GPIHBP1: variants seen among roughly 807,000 people sequenced by gnomAD.
GPIHBP1 encodes glycosylphosphatidylinositol-anchored high density lipoprotein-binding protein 1.
Under a neutral mutation model 13.0 loss-of-function variants are expected in GPIHBP1, and 11 were observed. That is an observed-to-expected ratio of 0.84 (90% CI 0.53 to 1.40). GPIHBP1 has a LOEUF of 1.40. Among genes scored for constraint, GPIHBP1 ranks in the 40% most tolerant of loss-of-function variants. The pLI is 0.00. For synonymous variants in GPIHBP1, 106 were observed against 102.2 expected (o/e 1.04, Z -0.22); for missense variants, 231 against 241.1 (o/e 0.96, Z 0.28).
rs751821739 is a variant in GPIHBP1, at chr8:143,215,312, A to G, written c.349A>G (p.Ile117Val). The G allele has an allele frequency of 2.2e-5, 35 of 1,612,664 alleles. No homozygotes were observed. Among genetic ancestry groups the G allele is most frequent in the Admixed American group, 3.3e-5 (2 of 60,002 alleles). Reference sequence around the variant, plus strand: ...GTGGTGCACAGACAGCTGCCAGCCCATCACCAAGACGGTGGAGGGGACCCA... The same window carrying G: ...GTGGTGCACAGACAGCTGCCAGCCCGTCACCAAGACGGTGGAGGGGACCCA... ...STWCTDSCQP[I>V]TKTVEGTQVT... Residue 117 changes from isoleucine to valine, a missense_variant, in exon 4 of 4, where the codon ATC (isoleucine) becomes GTC (valine). Physicochemically the swap from Ile to Val is conservative, Grantham distance 29. Transcript: ENST00000622500.
In GPIHBP1 at chr8:143,214,777, A is replaced by ATGATGGGAAGTTCGCCCTGCC. The variant is rs1816275009; in HGVS notation, c.182-232_182-212dup. Among the ~76,000 whole-genome samples, 6 of 152,186 alleles carry ATGATGGGAAGTTCGCCCTGCC rather than the reference A, an allele frequency of 3.9e-5. No individual in the cohort carries two copies. The highest frequency in any genetic ancestry group is 3.9e-4 in the Admixed American group (6 of 15,280). On this transcript the variant is annotated intron_variant, in intron 2 of 3. Transcript: ENST00000622500. This position sits in a 1 kb window ranked among gnomAD's most constrained non-coding sequence, Gnocchi z 4.1. ...GCAGCATTGTCGCAGGACGTGAGTG[A>ATGATGGGAAGTTCGCCCTGCC]TGATGGGAAGTTCGCCCTGCCTGAC...
rs568123036 is a variant in GPIHBP1, at chr8:143,217,073, C to A, written c.*1555C>A. On this transcript the variant is annotated 3_prime_UTR_variant, in exon 4 of 4. Transcript: ENST00000622500. ...GCAGCACTGAGCACGGTAGGGCAGCCTGGTGAGAGGGGCCTAGCTCGCTGC... is the reference window on the plus strand; with the variant it reads ...GCAGCACTGAGCACGGTAGGGCAGCATGGTGAGAGGGGCCTAGCTCGCTGC... 1 of 152,312 alleles carries A rather than the reference C, an allele frequency of 6.6e-6. No homozygotes were observed. Among genetic ancestry groups the A allele is most frequent in the Non-Finnish European group, 1.5e-5 (1 of 68,026 alleles). The allele number at this position is 152,312 out of a possible 1,614,324, so 9.4% of individuals were successfully genotyped here.
In GPIHBP1 at chr8:143,216,232, G is replaced by C. The variant is rs1203103634; in HGVS notation, c.*714G>C. 1 of 153,020 alleles carries C rather than the reference G, an allele frequency of 6.5e-6. No homozygotes were observed. Among genetic ancestry groups the C allele is most frequent in the Non-Finnish European group, 1.5e-5 (1 of 68,770 alleles). 9.5% of individuals were successfully genotyped at this position (153,020 alleles called of 1,614,324 possible). A position where few individuals can be genotyped will look rare whatever the true frequency, so the allele number is the denominator to read the frequency against. The stretch of plus-strand genomic sequence containing the variant: ...AAAGTGAACTTGCAGCCTTGGATGG[G>C]GAAGGGCCAGATGCTGGGTGGGTGC... On this transcript the variant is annotated 3_prime_UTR_variant, in exon 4 of 4. Transcript: ENST00000622500.
In GPIHBP1 at chr8:143,215,544, C is replaced by T. The variant is rs1465035770; in HGVS notation, c.*26C>T. 13 of 1,525,206 alleles carry T rather than the reference C, an allele frequency of 8.5e-6. No homozygotes were observed. In the Admixed American group the frequency reaches 1.2e-4, roughly 14 times the overall value. The allele number at this position is 1,525,206 out of a possible 1,614,324, so 94.5% of individuals were successfully genotyped here. ...CCCACGGCCCCTCCCCACCCCCACC[C>T]GGCTCACCCCCGGCCCTGCCAGCAC... On this transcript the variant is annotated 3_prime_UTR_variant, in exon 4 of 4. Coordinates refer to ENST00000622500, the MANE Select transcript of GPIHBP1 (RefSeq NM_178172.6).
chr8:143,215,272 G>C lies in GPIHBP1; in HGVS notation c.309G>C (p.Leu103=). ...IAHGNTESGL[L]TTHSTWCTDS... is the part of the protein sequence containing the mutation. ...TCCCCTTCCCAGAGTCAGGCCTCCTGACCACCCACTCCACGTGGTGCACAG... is the reference window on the plus strand; with the variant it reads ...TCCCCTTCCCAGAGTCAGGCCTCCTCACCACCCACTCCACGTGGTGCACAG... Residue 103 remains leucine (L), a synonymous_variant, in exon 4 of 4, where the codon CTG becomes CTC. Transcript: ENST00000622500. The C allele has an allele frequency of 6.2e-7, 1 of 1,612,926 alleles. No homozygotes were observed. The highest frequency in any genetic ancestry group is 8.5e-7 in the Non-Finnish European group (1 of 1,179,974).
rs1243968205 is a variant in GPIHBP1, at chr8:143,215,319, A to G, written c.356A>G (p.Lys119Arg). 1 of 1,612,852 alleles carries G rather than the reference A, an allele frequency of 6.2e-7. No homozygotes were observed. The highest frequency in any genetic ancestry group is 1.1e-5 in the South Asian group (1 of 91,076). ...WCTDSCQPITKTVEGTQVTMT... is the reference protein window; with the variant it reads ...WCTDSCQPITRTVEGTQVTMT... Reference sequence around the variant, plus strand: ...ACAGACAGCTGCCAGCCCATCACCAAGACGGTGGAGGGGACCCAGGTGACC... The same window carrying G: ...ACAGACAGCTGCCAGCCCATCACCAGGACGGTGGAGGGGACCCAGGTGACC... Residue 119 changes from lysine (K) to arginine (R), a missense_variant, in exon 4 of 4, where the codon AAG (lysine) becomes AGG (arginine). Coordinates refer to ENST00000622500, the MANE Select transcript of GPIHBP1 (RefSeq NM_178172.6).
chr8:143,213,300 C>G lies in GPIHBP1; in HGVS notation c.33C>G (p.Leu11=). 6.3e-7 allele frequency: 1 copy of G among 1,598,126 alleles called. No individual in the cohort carries two copies. The highest frequency in any genetic ancestry group is 2.3e-5 in the East Asian group (1 of 44,398). MKALGAVLLA[L]LLFGRPGRGQ... ...CGCTCGGGGCTGTCCTGCTTGCCCT[C>G]TTGCTGTTCGGGCGGCCAGGTGCGG... The change falls in exon 1 of 4, where the codon CTC becomes CTG. Residue 11 remains leucine, a synonymous_variant. Transcript: ENST00000622500.
chr8:143,215,668 T>A lies in GPIHBP1; in HGVS notation c.*150T>A, dbSNP rs1816297671. ...GCCAGCGCAGGCCCCCCGGCCCGGTTGCTTCCTCAGTTCCCGGCTGTGTCC... is the reference window on the plus strand; with the variant it reads ...GCCAGCGCAGGCCCCCCGGCCCGGTAGCTTCCTCAGTTCCCGGCTGTGTCC... On this transcript the variant is annotated 3_prime_UTR_variant, in exon 4 of 4. Coordinates refer to ENST00000622500, the MANE Select transcript of GPIHBP1 (RefSeq NM_178172.6). 3 of 676,196 alleles carry A rather than the reference T, an allele frequency of 4.4e-6. No individual in the cohort carries two copies. Among genetic ancestry groups the A allele is most frequent in the Non-Finnish European group, 7.4e-6 (3 of 405,532 alleles). 41.9% of individuals were successfully genotyped at this position (676,196 alleles called of 1,614,324 possible). A position where few individuals can be genotyped will look rare whatever the true frequency, so the allele number is the denominator to read the frequency against.
chr8:143,213,278 T>G lies in GPIHBP1; in HGVS notation c.11T>G (p.Leu4Arg). Residue 4 changes from leucine to arginine, a missense_variant, in exon 1 of 4, where the codon CTC (leucine) becomes CGC (arginine). Transcript: ENST00000622500. The part of the protein sequence containing the change: MKA[L>R]GAVLLALLLF... ...GCAGCGTCCGGCGAGATGAAGGCGC[T>G]CGGGGCTGTCCTGCTTGCCCTCTTG... 1 of 1,597,020 alleles carries G rather than the reference T, an allele frequency of 6.3e-7. No individual in the cohort carries two copies. The highest frequency in any genetic ancestry group is 8.5e-7 in the Non-Finnish European group (1 of 1,175,804).
chr8:143,215,168 C>T (rs547403983), intron 3 of GPIHBP1, 42 bp downstream of exon 3: 57 of 1,608,552 alleles, frequency 3.5e-5, no homozygotes, highest in East Asian at 3.1e-4. Context: ...CCCCAGGCGG[C>T]GGGAAAGCCA....
Position 143,214,072 on chromosome 8 carries a change from G to C in GPIHBP1, c.181+122G>C. 7.6e-7 allele frequency: 1 copy of C among 1,308,044 alleles called. No individual in the cohort carries two copies. 81.0% of individuals were successfully genotyped at this position (1,308,044 alleles called of 1,614,324 possible). ...GTGAGCTTGCCTCCAGCAGAGTGGG[G>C]GACACTCAGTACACCCCTCACTGCT... On this transcript the variant is annotated intron_variant, in intron 2 of 3. Transcript: ENST00000622500. This position sits in a 1 kb window ranked among gnomAD's most constrained non-coding sequence, Gnocchi z 4.1.
In GPIHBP1 at chr8:143,215,710, A is replaced by G. The variant is rs2034170648; in HGVS notation, c.*192A>G. On this transcript the variant is annotated 3_prime_UTR_variant, in exon 4 of 4. Transcript: ENST00000622500. The stretch of plus-strand genomic sequence containing the variant: ...GCTGTGTCCTTGGTGTCCTTTCTCC[A>G]CCACCTGTGAGCAGCAAGACTGCCG... The G allele has an allele frequency of 1.6e-6, 1 of 607,162 alleles. No homozygotes were observed. The highest frequency in any genetic ancestry group is 2.9e-5 in the Admixed American group (1 of 33,932). The allele number at this position is 607,162 out of a possible 1,614,324, so 37.6% of individuals were successfully genotyped here. A position where few individuals can be genotyped will look rare whatever the true frequency, so the allele number is the denominator to read the frequency against.
Position 143,214,940 on chromosome 8 carries a change from C to A in GPIHBP1, c.182-73C>A. The A allele has an allele frequency of 9.7e-7, 1 of 1,030,228 alleles. No individual in the cohort carries two copies. Among genetic ancestry groups the A allele is most frequent in the Non-Finnish European group, 1.5e-6 (1 of 680,232 alleles). 63.8% of individuals were successfully genotyped at this position (1,030,228 alleles called of 1,614,324 possible). A position where few individuals can be genotyped will look rare whatever the true frequency, so the allele number is the denominator to read the frequency against. On this transcript the variant is annotated intron_variant, in intron 2 of 3. Transcript: ENST00000622500. The surrounding 1 kb of genome is among the most constrained non-coding windows in gnomAD (Gnocchi z 4.1). ...TAGGCTTTGGGAGCACAGCTGAGAACGGGGAGGTGGACAGGGACGTGGGAG... is the reference window on the plus strand; with the variant it reads ...TAGGCTTTGGGAGCACAGCTGAGAAAGGGGAGGTGGACAGGGACGTGGGAG...
In GPIHBP1 at chr8:143,215,117, G is replaced by A. The variant is rs373101330; in HGVS notation, c.286G>A (p.Gly96Arg). 2.2e-5 allele frequency: 35 copies of A among 1,612,126 alleles called. No homozygotes were observed. Among genetic ancestry groups the A allele is most frequent in the South Asian group, 1.8e-4 (16 of 91,074 alleles). ...GQTCTTLIAHGNTESGLLTTH... is the reference protein window; with the variant it reads ...GQTCTTLIAHRNTESGLLTTH... ...GACCTGCACAACCCTCATTGCCCAC[G>A]GGAACACCGGTAAGTGGGCGTGGGG... The change falls in exon 3 of 4, where the codon GGG becomes AGG. Residue 96 changes from glycine to arginine, a missense_variant. Gly to Arg is a moderately radical substitution (Grantham distance 125). Coordinates refer to ENST00000622500, the MANE Select transcript of GPIHBP1 (RefSeq NM_178172.6).
At chr8:143,213,358 A>C in intron 1 of GPIHBP1, 39 bp downstream of exon 1, 1 of 1,538,952 alleles carries the variant, frequency 6.5e-7, no homozygotes, top group South Asian at 1.2e-5. Flanking sequence ...AGGGGGCAGC[A>C]ACAGCAGTCC....
intron 3 of GPIHBP1, 21 bp downstream of exon 3, chr8:143,215,147 A>C: frequency 3.1e-6 from 5 of 1,607,746 alleles, no homozygotes; most frequent in Non-Finnish European, 4.3e-6. Flanking sequence ...GTGGGGCCGC[A>C]GCACATGCAC....
Position 143,215,074 on chromosome 8 carries a change from G to T in GPIHBP1, c.243G>T (p.Gln81His). ...LPRDERCNLT[Q>H]NCSHGQTCTT... ...GGGACGAGCGCTGCAACCTGACGCAGAACTGCTCACATGGCCAGACCTGCA... is the reference window on the plus strand; with the variant it reads ...GGGACGAGCGCTGCAACCTGACGCATAACTGCTCACATGGCCAGACCTGCA... Residue 81 changes from glutamine to histidine, a missense_variant, in exon 3 of 4, where the codon CAG becomes CAT. Gln to His is a conservative substitution (Grantham distance 24). Transcript: ENST00000622500. The T allele has an allele frequency of 6.2e-7, 1 of 1,611,556 alleles. No homozygotes were observed. The highest frequency in any genetic ancestry group is 8.5e-7 in the Non-Finnish European group (1 of 1,179,384).
At position 143,213,274 on chromosome 8, in the gene GPIHBP1, G is replaced by A. The variant is rs1816246905; in HGVS notation, c.7G>A (p.Ala3Thr). 6.3e-7 allele frequency: 1 copy of A among 1,596,424 alleles called. No homozygotes were observed. The highest frequency in any genetic ancestry group is 1.7e-5 in the Admixed American group (1 of 57,158). Residue 3 changes from alanine to threonine, a missense_variant, in exon 1 of 4, where the codon GCG becomes ACG. By Grantham distance (58) the Ala-to-Thr change is moderately conservative. Transcript: ENST00000622500. ...CACAGCAGCGTCCGGCGAGATGAAG[G>A]CGCTCGGGGCTGTCCTGCTTGCCCT... MKALGAVLLALLL... is the reference protein window; with the variant it reads MKTLGAVLLALLL...
rs1259208276 is a variant in GPIHBP1 at position 143,215,520 on chromosome 8, C to A, written c.*2C>A. The A allele has an allele frequency of 6.3e-7, 1 of 1,581,286 alleles. No individual in the cohort carries two copies. The highest frequency in any genetic ancestry group is 2.3e-5 in the East Asian group (1 of 43,492). On this transcript the variant is annotated 3_prime_UTR_variant, in exon 4 of 4. Transcript: ENST00000622500. ...GCAATGGGGGCCAGGAGACCCTGAC[C>A]CACGGCCCCTCCCCACCCCCACCCG...
Sources: allele counts gnomAD v4.1 joint callset (sites outside exome capture counted in the v4.1 genomes callset), GRCh38; gene constraint gnomAD v4.1.1; non-coding constraint Gnocchi (gnomAD v3.1); transcripts MANE v1.5; gene names NCBI Gene and HGNC (gene_info 2026-07-23, HGNC 2026-07-21).